PCDHA3: variants seen among roughly 807,000 people sequenced by gnomAD.
PCDHA3 encodes the protein protocadherin alpha-3.
In PCDHA3, 41 loss-of-function variants were observed where a neutral mutation model predicts 62.2. That is an observed-to-expected ratio of 0.66 (90% CI 0.51 to 0.86). The LOEUF (loss-of-function observed/expected upper bound fraction) is 0.86, where lower values mean the gene tolerates loss of function less well. Ranked by LOEUF, PCDHA3 falls within the 40% of genes least tolerant of loss-of-function variation. The pLI is 0.00. For missense variants in PCDHA3, 1,304 were observed against 1,241.2 expected (o/e 1.05, Z -0.76); for synonymous variants, 640 against 555.4 (o/e 1.15, Z -2.14).
intron 3 of PCDHA3, among the ~76,000 whole-genome samples, chr5:141,002,467 G>A (rs1266754067): frequency 6.6e-6 from 1 of 152,202 alleles, no homozygotes; most frequent in African/African-American, 2.4e-5. Context: ...TAACGCTTTA[G>A]CATTTTCAAA....
At chr5:140,830,047 A>AGAC in intron 1 of PCDHA3, 1 of 1,613,730 alleles carries the variant, frequency 6.2e-7, no homozygotes, top group Non-Finnish European at 8.5e-7. Context: ...TGCTGGTGAA[A>AGAC]GACCACGGTG....
intron 3 of PCDHA3, among the ~76,000 whole-genome samples, chr5:141,008,506 T>G (rs1362141784): frequency 5.9e-5 from 9 of 152,202 alleles, no homozygotes; most frequent in African/African-American, 2.2e-4. Context: ...CTTTATGGTG[T>G]GTCTTCCAAT....
chr5:140,807,067 C>A, intron 1 of PCDHA3: 1 of 1,149,970 alleles, frequency 8.7e-7, no homozygotes, highest in Non-Finnish European at 1.2e-6. Flanking sequence ...TGGAAGGAAC[C>A]ATATACACTC....
At chr5:140,806,252 G>T (rs1303770813) in intron 1 of PCDHA3, among the ~76,000 whole-genome samples, 1 of 151,996 alleles carries the variant, frequency 6.6e-6, no homozygotes, top group Non-Finnish European at 1.5e-5. Flanking sequence ...AAAAGCTATT[G>T]GAAGCAGGAA....
chr5:140,955,956 G>C (rs2095241724), intron 1 of PCDHA3, among the ~76,000 whole-genome samples: 1 of 152,050 alleles, frequency 6.6e-6, no homozygotes, highest in Admixed American at 6.6e-5. Flanking sequence ...CTTGCTTGTT[G>C]TTTGTGCATA....
At chr5:140,858,195 A>G in intron 1 of PCDHA3, 1 of 1,597,156 alleles carries the variant, frequency 6.3e-7, no homozygotes, top group East Asian at 2.2e-5. Flanking sequence ...CTGCTGCTGT[A>G]CACTGCACTG....
intron 1 of PCDHA3, among the ~76,000 whole-genome samples, chr5:140,907,440 C>T (rs781836409): frequency 4.6e-5 from 7 of 152,222 alleles, no homozygotes; most frequent in Non-Finnish European, 1.0e-4. Flanking sequence ...TGTGAGTCCA[C>T]AGATGGTAAT....
rs2150174166 is a variant in PCDHA3, at chr5:140,829,768, C to A, written c.2394+26177C>A. ...TGCAGGTGTTCGTGCTGGACGAGAACGACAACGCGCCGGCGCTGCTGGCGC... is the reference window on the plus strand; with the variant it reads ...TGCAGGTGTTCGTGCTGGACGAGAAAGACAACGCGCCGGCGCTGCTGGCGC... On this transcript the variant is annotated intron_variant, in intron 1 of 3. Transcript: ENST00000522353. The A allele has an allele frequency of 3.1e-6, 5 of 1,613,766 alleles. No homozygotes were observed. The East Asian group carries it at 6.7e-5, about 22-fold the overall frequency.
At chr5:140,974,284 G>C (rs1409183152) in intron 1 of PCDHA3, among the ~76,000 whole-genome samples, 2 of 152,092 alleles carry the variant, frequency 1.3e-5, no homozygotes, top group Non-Finnish European at 2.9e-5. Flanking sequence ...CAGAACTCTG[G>C]GCTCCAAGGA....
In PCDHA3 at chr5:140,801,447, T is replaced by C. The variant is rs180779710; in HGVS notation, c.250T>C (p.Leu84=). 6.2e-7 allele frequency: 1 copy of C among 1,613,954 alleles called. No homozygotes were observed. Among genetic ancestry groups the C allele is most frequent in the Non-Finnish European group, 8.5e-7 (1 of 1,180,048 alleles). The change falls in exon 1 of 4, where the codon TTG becomes CTG. Residue 84 remains leucine, a synonymous_variant. Transcript: ENST00000522353. ...GGAGGTAAATCTGCAGAATGGCATT[T>C]TGTTTGTGAATTCTCGGATAGACCG... ...LLEVNLQNGI[L]FVNSRIDREE...
chr5:140,941,214 C>CTTTCTTTCTTTCTTT (rs1554214039), intron 1 of PCDHA3, among the ~76,000 whole-genome samples: 5,375 of 122,186 alleles, frequency 0.044, 196 homozygotes, highest in South Asian at 0.066. Flanking sequence ...TTTCTTTCTT[C>CTTTCTTTCTTTCTTT]CTTTCTTTCT....
intron 1 of PCDHA3, chr5:140,831,149 C>A (rs2150192022): frequency 6.6e-6 from 1 of 152,098 alleles, no homozygotes; most frequent in Non-Finnish European, 1.5e-5. Flanking sequence ...TATTTACTAC[C>A]GATCTAAATA....
At chr5:140,845,127 A>G (rs1183874019) in intron 1 of PCDHA3, among the ~76,000 whole-genome samples, 4 of 149,560 alleles carry the variant, frequency 2.7e-5, no homozygotes, top group Non-Finnish European at 6.0e-5. Flanking sequence ...TTAGCATTTT[A>G]TTTGACTATT....
At chr5:140,803,711 T>C in intron 1 of PCDHA3, 120 bp downstream of exon 1, 1 of 1,510,938 alleles carries the variant, frequency 6.6e-7, no homozygotes, top group African/African-American at 1.4e-5. Flanking sequence ...ATTAGACTTT[T>C]CCAGTTTTGT....
At chr5:140,859,957 A>G (rs1554152871) in intron 1 of PCDHA3, 1 of 151,974 alleles carries the variant, frequency 6.6e-6, no homozygotes, top group African/African-American at 2.4e-5. Context: ...ATCAATTGTA[A>G]AAGTCTCAGG....
At chr5:141,003,938 G>A (rs1195315346) in intron 3 of PCDHA3, among the ~76,000 whole-genome samples, 1 of 152,178 alleles carries the variant, frequency 6.6e-6, no homozygotes, top group Non-Finnish European at 1.5e-5. Flanking sequence ...GTCTTTGCCT[G>A]AGGGTGAGCT....
intron 1 of PCDHA3, chr5:140,884,083 G>C (rs538322622): frequency 1.2e-6 from 2 of 1,613,596 alleles, no homozygotes; most frequent in South Asian, 1.1e-5. Context: ...GCTACAATGC[G>C]TGGCTTTCGT....
rs782703183 is a variant in PCDHA3 at position 140,882,765 on chromosome 5, C to A, written c.2394+79174C>A. On this transcript the variant is annotated intron_variant, in intron 1 of 3. Transcript: ENST00000522353. ...TCCGATGCAGATATTGGAGTAAACT[C>A]GGCATTGACCTACCGACTGGATCCC... 1.5e-5 allele frequency: 25 copies of A among 1,614,104 alleles called. No individual in the cohort carries two copies. In the South Asian group the frequency reaches 2.7e-4, roughly 18 times the overall value.
intron 1 of PCDHA3, chr5:140,927,716 G>A (rs782756674): frequency 2.5e-6 from 4 of 1,614,072 alleles, no homozygotes; most frequent in Non-Finnish European, 3.4e-6. Context: ...CTAAGCAACA[G>A]CACGCAAGCA....
Sources: allele counts gnomAD v4.1 joint callset (sites outside exome capture counted in the v4.1 genomes callset), GRCh38; gene constraint gnomAD v4.1.1; transcripts MANE v1.5; gene names NCBI Gene and HGNC (gene_info 2026-07-23, HGNC 2026-07-21).